The following CERS6 variants were observed in gnomAD, a reference collection of about 807,000 sequenced individuals.
CERS6 encodes LAG1 homolog, ceramide synthase 6.
A neutral mutation model predicts 56.8 loss-of-function variants in CERS6; 26 were observed. The observed-to-expected ratio is 0.46, with a 90% CI of 0.34 to 0.63. CERS6 has a LOEUF of 0.63. Among genes scored for constraint, CERS6 ranks in the 30% least tolerant of loss-of-function variants. CERS6 has a pLI of 0.01. For synonymous variants in CERS6, 164 were observed against 173.3 expected (o/e 0.95, Z 0.42); for missense variants, 415 against 467.5 (o/e 0.89, Z 1.04).
chr2:168,539,910 G>A (rs1335009707), intron 1 of CERS6, among the ~76,000 whole-genome samples: 3 of 152,052 alleles, frequency 2.0e-5, no homozygotes, highest in East Asian at 3.8e-4. Flanking sequence ...GTTATTAATT[G>A]GTTGTGATTA....
At chr2:168,656,916 G>C (rs1328415860) in intron 4 of CERS6, among the ~76,000 whole-genome samples, 2 of 152,146 alleles carry the variant, frequency 1.3e-5, no homozygotes, top group Non-Finnish European at 2.9e-5. Context: ...AGATTAGTTA[G>C]ATACAGAGTT....
At chr2:168,738,897 G>GT (rs1683798292) in intron 8 of CERS6, among the ~76,000 whole-genome samples, 1 of 151,384 alleles carries the variant, frequency 6.6e-6, no homozygotes, top group Non-Finnish European at 1.5e-5. Flanking sequence ...GTTTTGGGGG[G>GT]TTTTTTTGAG....
At chr2:168,499,011 G>A (rs912297296) in intron 1 of CERS6, among the ~76,000 whole-genome samples, 4 of 152,130 alleles carry the variant, frequency 2.6e-5, no homozygotes, top group African/African-American at 7.2e-5. Context: ...TGGTGGCTTA[G>A]CATTTTATCT....
At chr2:168,634,516 G>A (rs1376779181) in intron 4 of CERS6, among the ~76,000 whole-genome samples, 1 of 152,086 alleles carries the variant, frequency 6.6e-6, no homozygotes, top group Admixed American at 6.6e-5. Context: ...GGGTTCAAAC[G>A]ATTCTTGTGC....
chr2:168,746,815 AT>A (rs1559078565), intron 8 of CERS6, among the ~76,000 whole-genome samples: 2 of 112,618 alleles, frequency 1.8e-5, no homozygotes, highest in African/African-American at 7.3e-5. Context: ...ATATATATAT[AT>A]ATATAAAATC....
chr2:168,695,380 T>C (rs1686620403), intron 6 of CERS6, among the ~76,000 whole-genome samples: 1 of 152,194 alleles, frequency 6.6e-6, no homozygotes, highest in South Asian at 2.1e-4. Context: ...ATTCTATTTG[T>C]AGCTCCTGGG....
At chr2:168,556,991 CAAAAAAAAAAAAAAAAAA>C (rs71003046) in intron 2 of CERS6, among the ~76,000 whole-genome samples, 2 of 82,306 alleles carry the variant, frequency 2.4e-5, no homozygotes, top group East Asian at 1.1e-3. Context: ...CTTGTCTCTA[CAAAAAAAAAAAAAAAAAA>C]AAAAAAAAAA....
chr2:168,702,046 C>T (rs564093569), intron 6 of CERS6, among the ~76,000 whole-genome samples: 4 of 152,084 alleles, frequency 2.6e-5, no homozygotes, highest in African/African-American at 7.2e-5. Context: ...CACAACTATC[C>T]ATTTTTCTTA....
intron 2 of CERS6, among the ~76,000 whole-genome samples, chr2:168,559,754 T>TA (rs56014027): frequency 2.4e-4 from 30 of 123,878 alleles, no homozygotes; most frequent in Middle Eastern, 4.2e-3. Flanking sequence ...TATATATATA[T>TA]TTCACCCTTA....
rs368188627 is a variant in CERS6 at position 168,593,473 on chromosome 2, T to C, written c.407+32151T>C. ...AAATAAGGGGATAAAAGAGGCATCA[T>C]GTACCTGCTGTCATGATCATCACTT... is the stretch of plus-strand genomic sequence containing the variant. On this transcript the variant is annotated intron_variant, in intron 3 of 9. Transcript: ENST00000305747. Among the ~76,000 whole-genome samples, 22 of 152,360 alleles carry C rather than the reference T, an allele frequency of 1.4e-4. No individual in the cohort carries two copies. The East Asian group carries it at 3.9e-3, about 27-fold the overall frequency.
chr2:168,643,682 C>T (rs150670320), intron 4 of CERS6, among the ~76,000 whole-genome samples: 2 of 152,092 alleles, frequency 1.3e-5, no homozygotes, highest in African/African-American at 4.8e-5. Flanking sequence ...TTGCGTTTTT[C>T]GGCTCACAGT....
intron 1 of CERS6, among the ~76,000 whole-genome samples, chr2:168,504,516 T>A (rs1694641306): frequency 6.6e-6 from 1 of 152,066 alleles, no homozygotes; most frequent in Non-Finnish European, 1.5e-5. Flanking sequence ...AGGTGAACTG[T>A]TTGCCTTTCC....
At chr2:168,724,260 C>T (rs562924161) in intron 8 of CERS6, among the ~76,000 whole-genome samples, 1 of 152,142 alleles carries the variant, frequency 6.6e-6, no homozygotes, top group Non-Finnish European at 1.5e-5. Flanking sequence ...CCGGTGGGCT[C>T]GTGGTCTCGC....
intron 4 of CERS6, among the ~76,000 whole-genome samples, chr2:168,633,762 G>A (rs1684801717): frequency 6.6e-6 from 1 of 152,042 alleles, no homozygotes; most frequent in African/African-American, 2.4e-5. Context: ...ATCAAAACAA[G>A]GTAATTCAAA....
chr2:168,520,516 T>G (rs1264996540), intron 1 of CERS6, among the ~76,000 whole-genome samples: 1 of 151,840 alleles, frequency 6.6e-6, no homozygotes, highest in African/African-American at 2.4e-5. Context: ...GACCAATGTC[T>G]TAGAAGACTT....
chr2:168,543,129 C>G (rs182067012), intron 1 of CERS6, among the ~76,000 whole-genome samples: 19 of 152,304 alleles, frequency 1.2e-4, no homozygotes, highest in East Asian at 1.2e-3. Flanking sequence ...GTAGCAGTGT[C>G]TTAGGTTTCT....
At chr2:168,623,604 A>G (rs76439880) in intron 3 of CERS6, among the ~76,000 whole-genome samples, 2,623 of 152,352 alleles carry the variant, frequency 0.017, 104 homozygotes, top group East Asian at 0.16. Flanking sequence ...CTTATTAAAT[A>G]CAAAATAATT....
At chr2:168,507,709 T>C (rs1049917853) in intron 1 of CERS6, among the ~76,000 whole-genome samples, 17 of 152,180 alleles carry the variant, frequency 1.1e-4, no homozygotes, top group African/African-American at 3.9e-4. Flanking sequence ...CCACATCCAA[T>C]GACAACTTCC....
Position 168,745,334 on chromosome 2 carries a change from T to C in CERS6, c.846-20258T>C, listed in dbSNP as rs1031290475. On this transcript the variant is annotated intron_variant, in intron 8 of 9. Transcript: ENST00000305747. ...TCGGCTCACTGCAAGGTCCGCCTCC[T>C]GGGTTCACGCCATTCTCCTGCCTCA... Among the ~76,000 whole-genome samples the C allele has an allele frequency of 4.6e-5, 7 of 152,150 alleles. No homozygotes were observed. The South Asian group carries it at 6.2e-4, about 14-fold the overall frequency.
Sources: gnomAD v4.1 joint callset for allele counts (sites outside exome capture counted in the v4.1 genomes callset) on GRCh38, gnomAD v4.1.1 for gene constraint, MANE v1.5 for transcripts, NCBI Gene and HGNC (gene_info 2026-07-23, HGNC 2026-07-21) for gene names.